Variants in HTR4 observed in about 807,000 individuals in gnomAD.
The protein encoded by HTR4 is 5-hydroxytryptamine (serotonin) receptor 4, G protein-coupled.
Under a neutral mutation model 36.8 loss-of-function variants are expected in HTR4, and 16 were observed. That is an observed-to-expected ratio of 0.43 (90% confidence interval 0.29 to 0.66). HTR4 has a LOEUF of 0.66. Among genes scored for constraint, HTR4 ranks in the 30% least tolerant of loss-of-function variants. The pLI is 0.13. For missense variants in HTR4, 438 were observed against 490.9 expected (o/e 0.89, Z 1.02); for synonymous variants, 189 against 185.1 (o/e 1.02, Z -0.17).
At chr5:148,613,261 C>T (rs943093067) in intron 2 of HTR4, among the ~76,000 whole-genome samples, 1 of 141,420 alleles carries the variant, frequency 7.1e-6, no homozygotes. Flanking sequence ...CCTTGATGAA[C>T]ATTGATGCAA....
intron 5 of HTR4, among the ~76,000 whole-genome samples, chr5:148,471,276 C>T (rs1477921256): frequency 1.3e-5 from 2 of 152,128 alleles, no homozygotes; most frequent in Non-Finnish European, 2.9e-5. Flanking sequence ...GAGAGCTAGC[C>T]GACCCCATGC....
Position 148,654,133 on chromosome 5 carries a change from T to C in HTR4, c.-119A>G. The C allele has an allele frequency of 1.0e-6, 1 of 985,674 alleles. No homozygotes were observed. The highest frequency in any genetic ancestry group is 1.2e-6 in the Non-Finnish European group (1 of 830,058). The allele number at this position is 985,674 out of a possible 1,614,324, so 61.1% of individuals were successfully genotyped here. On this transcript the variant is annotated 5_prime_UTR_variant, in exon 1 of 7. Transcript: ENST00000377888. ...GCCACCCCCAGCCGCTGAGCCGAGCTTCTGCTGCCGCCGCTGCCGCTGCGC... is the reference window on the plus strand; with the variant it reads ...GCCACCCCCAGCCGCTGAGCCGAGCCTCTGCTGCCGCCGCTGCCGCTGCGC...
At chr5:148,615,158 G>A (rs1369585944) in intron 2 of HTR4, among the ~76,000 whole-genome samples, 1 of 151,578 alleles carries the variant, frequency 6.6e-6, no homozygotes, top group Non-Finnish European at 1.5e-5. Flanking sequence ...AATACCATTT[G>A]ACCCAGCCAT....
At chr5:148,526,040 C>T (rs1366254791) in intron 4 of HTR4, among the ~76,000 whole-genome samples, 1 of 152,094 alleles carries the variant, frequency 6.6e-6, no homozygotes, top group African/African-American at 2.4e-5. Flanking sequence ...CAGCAGAAGC[C>T]AGGAAGAGGC....
chr5:148,553,250 G>A (rs1759784126), intron 2 of HTR4, among the ~76,000 whole-genome samples: 1 of 152,146 alleles, frequency 6.6e-6, no homozygotes, highest in Non-Finnish European at 1.5e-5. Flanking sequence ...AGGACTGGAT[G>A]GCCTGTGGCG....
chr5:148,619,491 C>T (rs1333576150), intron 2 of HTR4, among the ~76,000 whole-genome samples: 1 of 152,044 alleles, frequency 6.6e-6, no homozygotes, highest in Non-Finnish European at 1.5e-5. Context: ...TAGTGCCTGC[C>T]CTCAATTCAA....
chr5:148,584,863 C>T (rs754127316), intron 2 of HTR4, among the ~76,000 whole-genome samples: 1 of 152,174 alleles, frequency 6.6e-6, no homozygotes, highest in Non-Finnish European at 1.5e-5. Context: ...TCTAGAGCAA[C>T]AGTAGCCACC....
chr5:148,622,154 G>A (rs1435334642), intron 2 of HTR4, among the ~76,000 whole-genome samples: 1 of 152,036 alleles, frequency 6.6e-6, no homozygotes, highest in Non-Finnish European at 1.5e-5. Flanking sequence ...CTGCAAATGG[G>A]TCCCTAGTAC....
intron 2 of HTR4, among the ~76,000 whole-genome samples, chr5:148,608,871 G>C (rs1044770381): frequency 6.6e-6 from 1 of 152,208 alleles, no homozygotes; most frequent in Non-Finnish European, 1.5e-5. Context: ...GGTCGAAGCA[G>C]TAGGGTTTAT....
intron 2 of HTR4, among the ~76,000 whole-genome samples, chr5:148,613,386 T>C (rs1472297574): frequency 1.5e-4 from 22 of 150,604 alleles, no homozygotes; most frequent in Non-Finnish European, 2.1e-4. Flanking sequence ...ATACGCAAAT[T>C]AATAAATGTA....
intron 2 of HTR4, among the ~76,000 whole-genome samples, chr5:148,632,017 G>T (rs1395643735): frequency 3.3e-5 from 5 of 152,066 alleles, no homozygotes; most frequent in Non-Finnish European, 7.4e-5. Context: ...CCGTCATCAA[G>T]CCTACCAAAG....
chr5:148,457,775 A>AATATC (rs1198414255), intron 5 of HTR4, among the ~76,000 whole-genome samples: 2 of 139,918 alleles, frequency 1.4e-5, no homozygotes, highest in Non-Finnish European at 3.1e-5. Flanking sequence ...ATATCATTAA[A>AATATC]ATATATTTTG....
rs917541117 is a variant in HTR4, at chr5:148,532,857, G to T, written c.354-9511C>A. Among the ~76,000 whole-genome samples, 60 of 152,322 alleles carry T rather than the reference G, an allele frequency of 3.9e-4. 1 individual carries two copies. Among genetic ancestry groups the T allele is most frequent in the Admixed American group, 8.5e-4 (13 of 15,300 alleles). On this transcript the variant is annotated intron_variant, in intron 4 of 6. Transcript: ENST00000377888. ...CACTTAAAGGATTTGTTGAAACACAGATTGCTGGTAGGTCTGGAGTGAGGC... is the reference window on the plus strand; with the variant it reads ...CACTTAAAGGATTTGTTGAAACACATATTGCTGGTAGGTCTGGAGTGAGGC...
chr5:148,637,517 A>G (rs970624299), intron 1 of HTR4, among the ~76,000 whole-genome samples: 12 of 152,220 alleles, frequency 7.9e-5, no homozygotes, highest in African/African-American at 2.9e-4. Flanking sequence ...AGAATCTAGT[A>G]AACTCTTGAG....
chr5:148,471,398 C>T (rs1427711871), intron 5 of HTR4, among the ~76,000 whole-genome samples: 4 of 152,058 alleles, frequency 2.6e-5, no homozygotes, highest in Non-Finnish European at 5.9e-5. Context: ...AGCCATTTTC[C>T]CAGACTCTTC....
chr5:148,643,208 C>T (rs1468856434), intron 1 of HTR4, among the ~76,000 whole-genome samples: 1 of 152,094 alleles, frequency 6.6e-6, no homozygotes, highest in Admixed American at 6.6e-5. Flanking sequence ...CTTTTCTCAG[C>T]TGGGTAAATA....
At chr5:148,466,592 G>A (rs1054177308) in intron 5 of HTR4, among the ~76,000 whole-genome samples, 2 of 152,126 alleles carry the variant, frequency 1.3e-5, no homozygotes, top group Admixed American at 6.5e-5. Flanking sequence ...TCTAATCCCA[G>A]CTCCATTACT....
chr5:148,534,041 A>G (rs773277573), intron 4 of HTR4, among the ~76,000 whole-genome samples: 4 of 152,240 alleles, frequency 2.6e-5, no homozygotes, highest in Non-Finnish European at 4.4e-5. Context: ...CATTAAGACC[A>G]TATTTGTTAT....
At chr5:148,568,353 T>G (rs1290227449) in intron 2 of HTR4, among the ~76,000 whole-genome samples, 3 of 152,200 alleles carry the variant, frequency 2.0e-5, no homozygotes, top group African/African-American at 7.2e-5. Flanking sequence ...TTAGAGAATT[T>G]TTTTAAAGTA....
Sources: gnomAD v4.1 joint callset for allele counts (sites outside exome capture counted in the v4.1 genomes callset) on GRCh38, gnomAD v4.1.1 for gene constraint, MANE v1.5 for transcripts, NCBI Gene and HGNC (gene_info 2026-07-23, HGNC 2026-07-21) for gene names.